The following MACC1 variants were observed in gnomAD, a reference collection of about 807,000 sequenced individuals.
MACC1 encodes the protein metastasis-associated in colon cancer protein 1.
In MACC1, 79 loss-of-function variants were observed where a neutral mutation model predicts 70.7. The ratio of observed to expected loss-of-function variants is 1.12; its 90% CI spans 0.93 to 1.35. MACC1 has a LOEUF of 1.35. Ranked by LOEUF, MACC1 falls within the 40% of genes most tolerant of loss-of-function variation. MACC1 has a pLI of 0.00. For synonymous variants in MACC1, 361 were observed against 347.2 expected, an observed-to-expected ratio of 1.04 and a Z score of -0.44; for missense variants, 1,106 against 978.1, an observed-to-expected ratio of 1.13 and a Z score of -1.74.
Position 20,215,002 on chromosome 7 carries a change from C to T in MACC1, c.-218+2297G>A, listed in dbSNP as rs550112371. ...GCACTGTGACTGCCCCTTCCTCTGGCAGCCTGGGTACGCGTCTCTTCTGTG... is the reference window on the plus strand; with the variant it reads ...GCACTGTGACTGCCCCTTCCTCTGGTAGCCTGGGTACGCGTCTCTTCTGTG... On this transcript the variant is annotated intron_variant, in intron 1 of 6. Coordinates refer to ENST00000400331, the MANE Select transcript of MACC1 (RefSeq NM_182762.4). Among the ~76,000 whole-genome samples, 98 of 152,290 alleles carry T rather than the reference C, an allele frequency of 6.4e-4. 1 individual carries two copies. Among genetic ancestry groups the T allele is most frequent in the Non-Finnish European group, 3.4e-4 (23 of 68,018 alleles).
rs1781779027 is a variant in MACC1, at chr7:20,140,391, G to C, written c.*555C>G. The C allele has an allele frequency of 6.6e-6, 1 of 152,176 alleles. No homozygotes were observed. The highest frequency in any genetic ancestry group is 1.5e-5 in the Non-Finnish European group (1 of 68,042). The allele number at this position is 152,176 out of a possible 1,614,324, so 9.4% of individuals were successfully genotyped here. A position where few individuals can be genotyped will look rare whatever the true frequency, so the allele number is the denominator to read the frequency against. ...CCCCATGAAAAATGGGGGTGATGCT[G>C]GTGAACCCCACTGATGAACTGAAGA... On this transcript the variant is annotated 3_prime_UTR_variant, in exon 7 of 7. Transcript: ENST00000400331.
intron 3 of MACC1, among the ~76,000 whole-genome samples, chr7:20,163,731 G>C (rs962950582): frequency 6.6e-6 from 1 of 152,070 alleles, no homozygotes; most frequent in Non-Finnish European, 1.5e-5. Flanking sequence ...GACTTTCAGA[G>C]TCTCAGCAAT....
chr7:20,193,489 A>G (rs1374505782), intron 1 of MACC1, among the ~76,000 whole-genome samples: 4 of 152,222 alleles, frequency 2.6e-5, no homozygotes, highest in African/African-American at 9.6e-5. Context: ...CATGAGACAC[A>G]ACTTTGCTCT....
chr7:20,162,624 C>A (rs1782155385), intron 3 of MACC1, among the ~76,000 whole-genome samples: 1 of 151,900 alleles, frequency 6.6e-6, no homozygotes, highest in African/African-American at 2.4e-5. Flanking sequence ...AGAATCAGAC[C>A]CACCCTTATA....
intron 6 of MACC1, among the ~76,000 whole-genome samples, chr7:20,153,693 A>G (rs1782013384): frequency 6.6e-6 from 1 of 152,176 alleles, no homozygotes; most frequent in African/African-American, 2.4e-5. Context: ...TGTGAAGGAG[A>G]TAATGAAGCT....
intron 1 of MACC1, among the ~76,000 whole-genome samples, chr7:20,198,187 T>C (rs572053136): frequency 3.6e-4 from 55 of 152,288 alleles, no homozygotes; most frequent in Middle Eastern, 6.8e-3. Flanking sequence ...TATGTGGGTA[T>C]GGAGGAGAGT....
At chr7:20,181,501 G>A (rs1583400761) in intron 1 of MACC1, among the ~76,000 whole-genome samples, 1 of 151,980 alleles carries the variant, frequency 6.6e-6, no homozygotes, top group South Asian at 2.1e-4. Flanking sequence ...ATATATTCAT[G>A]CAATCATTGT....
intron 1 of MACC1, among the ~76,000 whole-genome samples, chr7:20,206,730 A>G (rs1782915090): frequency 6.6e-6 from 1 of 152,216 alleles, no homozygotes; most frequent in African/African-American, 2.4e-5. Context: ...CTCCACATGG[A>G]TGGCCACAGG....
At chr7:20,166,733 T>C (rs1303647654) in intron 2 of MACC1, among the ~76,000 whole-genome samples, 1 of 152,232 alleles carries the variant, frequency 6.6e-6, no homozygotes, top group East Asian at 1.9e-4. Flanking sequence ...CCTCCAACCC[T>C]GGGAACTCAA....
At chr7:20,205,211 C>T (rs1562602843) in intron 1 of MACC1, among the ~76,000 whole-genome samples, 1 of 152,040 alleles carries the variant, frequency 6.6e-6, no homozygotes, top group Non-Finnish European at 1.5e-5. Context: ...TTTGCTGTAA[C>T]TTCAGTTGGG....
chr7:20,205,082 ATT>A (rs150003920), intron 1 of MACC1, among the ~76,000 whole-genome samples: 4 of 150,034 alleles, frequency 2.7e-5, no homozygotes, highest in African/African-American at 9.8e-5. Context: ...TATTAATACA[ATT>A]TTTTTTTTAG....
intron 5 of MACC1, among the ~76,000 whole-genome samples, chr7:20,157,935 T>G (rs775971581): frequency 1.4e-4 from 21 of 152,184 alleles, no homozygotes; most frequent in Admixed American, 5.9e-4. Context: ...AGAAGTTGTA[T>G]CTGAACTGTT....
intron 1 of MACC1, among the ~76,000 whole-genome samples, chr7:20,196,751 G>T (rs1394880027): frequency 1.3e-5 from 2 of 151,966 alleles, no homozygotes; most frequent in African/African-American, 4.8e-5. Flanking sequence ...ATCATGCATG[G>T]AGAACCGGTT....
At chr7:20,154,694 C>T (rs1782030315) in intron 5 of MACC1, among the ~76,000 whole-genome samples, 1 of 152,100 alleles carries the variant, frequency 6.6e-6, no homozygotes, top group South Asian at 2.1e-4. Context: ...AGTTAAATTA[C>T]ACACTTCCAA....
At chr7:20,203,967 G>A (rs960303706) in intron 1 of MACC1, among the ~76,000 whole-genome samples, 2 of 151,978 alleles carry the variant, frequency 1.3e-5, no homozygotes, top group African/African-American at 4.8e-5. Context: ...GTAAAAAAAA[G>A]GAAGCCAGAC....
At chr7:20,179,764 C>A (rs1233311281) in intron 1 of MACC1, among the ~76,000 whole-genome samples, 2 of 152,094 alleles carry the variant, frequency 1.3e-5, no homozygotes, top group Non-Finnish European at 2.9e-5. Context: ...TGGTTTCAAC[C>A]AACAAATAAG....
In MACC1 at chr7:20,159,054, G is replaced by C; in HGVS notation, c.1307C>G (p.Ser436Cys). The C allele has an allele frequency of 6.2e-7, 1 of 1,613,646 alleles. No homozygotes were observed. Among genetic ancestry groups the C allele is most frequent in the South Asian group, 1.1e-5 (1 of 90,998 alleles). ...AAAATCAGGATCACAGGAAAAAATA[G>C]AAATACTTAAATCTTGTGGCTTGTC... is the stretch of plus-strand genomic sequence containing the variant. ...LLDKPQDLSISIFSCDPDFEV... is the reference protein window; with the variant it reads ...LLDKPQDLSICIFSCDPDFEV... The change falls in exon 5 of 7, where the codon TCT becomes TGT. Residue 436 changes from serine to cysteine, a missense_variant. Transcript: ENST00000400331.
chr7:20,193,897 C>T (rs117914893), intron 1 of MACC1, among the ~76,000 whole-genome samples: 2 of 152,078 alleles, frequency 1.3e-5, no homozygotes, highest in Admixed American at 6.6e-5. Flanking sequence ...CCCCCGCCCC[C>T]ACACACACCT....
chr7:20,195,011 T>G (rs567443414), intron 1 of MACC1, among the ~76,000 whole-genome samples: 1 of 152,356 alleles, frequency 6.6e-6, no homozygotes, highest in Admixed American at 6.5e-5. Context: ...TCACACATTT[T>G]CCTTCATATA....
Sources: allele counts gnomAD v4.1 joint callset (sites outside exome capture counted in the v4.1 genomes callset), GRCh38; gene constraint gnomAD v4.1.1; transcripts MANE v1.5; gene names NCBI Gene and HGNC (gene_info 2026-07-23, HGNC 2026-07-21).